The following CYP7B1 variants were observed in gnomAD, a reference collection of about 807,000 sequenced individuals.
The protein encoded by CYP7B1 is cytochrome P450 7B1.
In CYP7B1, 29 loss-of-function variants were observed where a neutral mutation model predicts 42.7. The observed-to-expected ratio is 0.68, with a 90% confidence interval of 0.51 to 0.93. CYP7B1 has a LOEUF of 0.93. CYP7B1 is among the 40% of genes least tolerant of loss of function. CYP7B1 has a pLI of 0.00. For missense variants in CYP7B1, 655 were observed against 600.5 expected (o/e 1.09, Z -0.95); for synonymous variants, 235 against 218.2 (o/e 1.08, Z -0.68).
At chr8:64,792,733 C>A (rs1029089725) in intron 1 of CYP7B1, among the ~76,000 whole-genome samples, 1 of 152,208 alleles carries the variant, frequency 6.6e-6, no homozygotes, top group East Asian at 1.9e-4. Flanking sequence ...TACACAGATC[C>A]TCGCAAATAC....
At chr8:64,589,468 T>G (rs577862785), downstream of CYP7B1, among the ~76,000 whole-genome samples, 97 of 152,224 alleles carry the variant, frequency 6.4e-4, no homozygotes, top group Non-Finnish European at 1.2e-3. Flanking sequence ...TGATTACAAA[T>G]ACTTTTAACG....
intron 1 of CYP7B1, among the ~76,000 whole-genome samples, chr8:64,675,757 G>A (rs1806436844): frequency 6.6e-6 from 1 of 152,100 alleles, no homozygotes. Context: ...TTTCTTAGAG[G>A]ATGCACTTGA....
intron 5 of CYP7B1, among the ~76,000 whole-genome samples, chr8:64,599,212 G>A (rs527281146): frequency 2.6e-5 from 4 of 151,650 alleles, no homozygotes; most frequent in East Asian, 3.9e-4. Flanking sequence ...TTTTGGAGAC[G>A]GAGTCTCGCT....
At chr8:64,634,127 G>T (rs1805735763) in intron 1 of CYP7B1, among the ~76,000 whole-genome samples, 1 of 152,304 alleles carries the variant, frequency 6.6e-6, no homozygotes, top group Admixed American at 6.5e-5. Flanking sequence ...AAGAGTAGTT[G>T]TCATTTATTT....
intron 1 of CYP7B1, among the ~76,000 whole-genome samples, chr8:64,681,392 G>T (rs992539204): frequency 3.9e-5 from 6 of 152,096 alleles, no homozygotes; most frequent in Non-Finnish European, 7.4e-5. Context: ...CCAGCCAAAG[G>T]ACCCCTGAGA....
At chr8:64,716,663 C>T (rs1435821866) in intron 1 of CYP7B1, among the ~76,000 whole-genome samples, 2 of 152,102 alleles carry the variant, frequency 1.3e-5, no homozygotes, top group African/African-American at 2.4e-5. Context: ...GCCAAGATCA[C>T]GCCACTGCAC....
At chr8:64,715,608 C>T (rs553628933) in intron 1 of CYP7B1, among the ~76,000 whole-genome samples, 2 of 152,276 alleles carry the variant, frequency 1.3e-5, no homozygotes, top group South Asian at 4.2e-4. Context: ...CACACCCCTA[C>T]AAAAATCCTC....
chr8:64,721,930 G>A (rs1460801586), intron 1 of CYP7B1, among the ~76,000 whole-genome samples: 1 of 151,858 alleles, frequency 6.6e-6, no homozygotes, highest in Admixed American at 6.6e-5. Flanking sequence ...ATAGAAATTT[G>A]ATTATTGTTA....
rs186896129 is a variant in CYP7B1 at position 64,607,964 on chromosome 8, C to T, written c.1058-3107G>A. Among the ~76,000 whole-genome samples, 47 of 152,290 alleles carry T rather than the reference C, an allele frequency of 3.1e-4. 1 individual carries two copies. The highest frequency in any genetic ancestry group is 1.3e-3 in the Admixed American group (20 of 15,294). Reference sequence around the variant, plus strand: ...AACTGCAACTGTGATTAAGATAAGGCTGCCTGTGAGTTGTTAAGAACTGAG... The same window carrying T: ...AACTGCAACTGTGATTAAGATAAGGTTGCCTGTGAGTTGTTAAGAACTGAG... On this transcript the variant is annotated intron_variant, in intron 4 of 5. Coordinates refer to ENST00000310193, the MANE Select transcript of CYP7B1 (RefSeq NM_004820.5).
At chr8:64,695,286 T>G (rs1806806968) in intron 1 of CYP7B1, among the ~76,000 whole-genome samples, 1 of 152,106 alleles carries the variant, frequency 6.6e-6, no homozygotes, top group Non-Finnish European at 1.5e-5. Flanking sequence ...GAGCCACAAT[T>G]ACCCTCTCAC....
chr8:64,606,312 C>G (rs1805280756), intron 4 of CYP7B1, among the ~76,000 whole-genome samples: 1 of 152,202 alleles, frequency 6.6e-6, no homozygotes, highest in African/African-American at 2.4e-5. Flanking sequence ...GGCAGAACAC[C>G]AAGGACCAAC....
intron 1 of CYP7B1, among the ~76,000 whole-genome samples, chr8:64,731,006 T>C (rs1807401090): frequency 6.6e-6 from 1 of 152,194 alleles, no homozygotes; most frequent in Non-Finnish European, 1.5e-5. Context: ...CCTGCTGCCC[T>C]GTGAAGAACG....
chr8:64,647,745 C>T (rs1805975056), intron 1 of CYP7B1, among the ~76,000 whole-genome samples: 2 of 152,118 alleles, frequency 1.3e-5, no homozygotes, highest in Admixed American at 6.5e-5. Context: ...TATTCAGGCC[C>T]TCAATGTACC....
At chr8:64,673,367 A>G (rs1317005650) in intron 1 of CYP7B1, among the ~76,000 whole-genome samples, 1 of 152,048 alleles carries the variant, frequency 6.6e-6, no homozygotes, top group Non-Finnish European at 1.5e-5. Context: ...ATTGCCTCCA[A>G]CCCTTTTTGG....
chr8:64,712,499 A>C (rs2129632685), intron 1 of CYP7B1, among the ~76,000 whole-genome samples: 1 of 152,240 alleles, frequency 6.6e-6, no homozygotes, highest in South Asian at 2.1e-4. Flanking sequence ...CTTGCATTTT[A>C]AATTTGCATG....
At chr8:64,732,360 G>A (rs1359841965) in intron 1 of CYP7B1, among the ~76,000 whole-genome samples, 1 of 152,164 alleles carries the variant, frequency 6.6e-6, no homozygotes, top group Non-Finnish European at 1.5e-5. Flanking sequence ...TTTAATGGCT[G>A]CTTTATTGGA....
In CYP7B1 at chr8:64,615,068, T is replaced by C. The variant is rs1304925781; in HGVS notation, c.1015A>G (p.Ile339Val). The change falls in exon 4 of 6, where the codon ATC becomes GTC. Residue 339 changes from isoleucine to valine, a missense_variant. Transcript: ENST00000310193. Reference sequence around the variant, plus strand: ...TCCAATTGTTCTCTGGTGAGGTGGATGGGAAATCCAGACCCTTTCTTTTGA... The same window carrying C: ...TCCAATTGTTCTCTGGTGAGGTGGACGGGAAATCCAGACCCTTTCTTTTGA... ...TGQKKGSGFP[I>V]HLTREQLDSL... 1 of 1,613,708 alleles carries C rather than the reference T, an allele frequency of 6.2e-7. No individual in the cohort carries two copies. Among genetic ancestry groups the C allele is most frequent in the East Asian group, 2.2e-5 (1 of 44,862 alleles).
At chr8:64,606,743 C>T (rs3779871) in intron 4 of CYP7B1, among the ~76,000 whole-genome samples, 3 of 152,062 alleles carry the variant, frequency 2.0e-5, no homozygotes, top group Admixed American at 6.5e-5. Context: ...GTTATGTGTG[C>T]GAGATGAGGT....
chr8:64,776,330 AAGG>A (rs1221774126), intron 1 of CYP7B1, among the ~76,000 whole-genome samples: 1 of 152,108 alleles, frequency 6.6e-6, no homozygotes, highest in Non-Finnish European at 1.5e-5. Context: ...TGTTCTAAAG[AAGG>A]AGGTCAGTTT....
Sources: allele counts gnomAD v4.1 joint callset (sites outside exome capture counted in the v4.1 genomes callset), GRCh38; gene constraint gnomAD v4.1.1; transcripts MANE v1.5; gene names NCBI Gene and HGNC (gene_info 2026-07-23, HGNC 2026-07-21).